CDKAL1: variants seen among roughly 807,000 people sequenced by gnomAD.
The protein encoded by CDKAL1 is CDKAL1 threonylcarbamoyladenosine tRNA methylthiotransferase, also known as threonylcarbamoyladenosine tRNA methylthiotransferase.
In CDKAL1, 32 loss-of-function variants were observed where a neutral mutation model predicts 68.2. The ratio of observed to expected loss-of-function variants is 0.47; its 90% CI spans 0.35 to 0.63. CDKAL1 has a LOEUF of 0.63. Ranked by LOEUF, CDKAL1 falls within the 30% of genes least tolerant of loss-of-function variation. The pLI, the probability that CDKAL1 is intolerant of heterozygous loss-of-function variation, is 0.00. For missense variants in CDKAL1, 606 were observed against 696.7 expected, an observed-to-expected ratio of 0.87 and a Z score of 1.47; for synonymous variants, 234 against 244.3, an observed-to-expected ratio of 0.96 and a Z score of 0.39.
intron 4 of CDKAL1, among the ~76,000 whole-genome samples, chr6:20,560,059 A>G (rs1764208020): frequency 6.6e-6 from 1 of 152,176 alleles, no homozygotes; most frequent in African/African-American, 2.4e-5. Context: ...CCTTCAATTT[A>G]AAATTGTCAT....
chr6:20,671,873 G>A (rs1200824166), intron 5 of CDKAL1, among the ~76,000 whole-genome samples: 1 of 151,862 alleles, frequency 6.6e-6, no homozygotes, highest in Non-Finnish European at 1.5e-5. Context: ...CTAGTAGCTG[G>A]GACTCTAGGC....
intron 8 of CDKAL1, among the ~76,000 whole-genome samples, chr6:20,792,148 A>C (rs1424221169): frequency 6.6e-6 from 1 of 152,222 alleles, no homozygotes; most frequent in Non-Finnish European, 1.5e-5. Flanking sequence ...GCATCTCAGC[A>C]TGGTAGCACC....
intron 9 of CDKAL1, among the ~76,000 whole-genome samples, chr6:20,951,748 A>G (rs1403818396): frequency 6.6e-6 from 1 of 152,200 alleles, no homozygotes; most frequent in East Asian, 1.9e-4. Context: ...ATTTTTGGGA[A>G]AACGAAAACA....
intron 9 of CDKAL1, among the ~76,000 whole-genome samples, chr6:20,855,016 G>C (rs1423935773): frequency 6.6e-6 from 1 of 152,210 alleles, no homozygotes; most frequent in African/African-American, 2.4e-5. Context: ...AGTAATACCA[G>C]CTTGGCATTA....
chr6:20,769,933 G>A (rs1774867661), intron 7 of CDKAL1, among the ~76,000 whole-genome samples: 1 of 152,138 alleles, frequency 6.6e-6, no homozygotes, highest in Non-Finnish European at 1.5e-5. Flanking sequence ...ATATTGAACA[G>A]ACGGAAATGA....
At chr6:20,538,792 A>G (rs1763275523) in intron 2 of CDKAL1, among the ~76,000 whole-genome samples, 1 of 152,258 alleles carries the variant, frequency 6.6e-6, no homozygotes, top group Non-Finnish European at 1.5e-5. Context: ...CTTCCCACCC[A>G]GTGTAGAATT....
At chr6:21,066,637 T>A (rs1387972426) in intron 12 of CDKAL1, among the ~76,000 whole-genome samples, 2 of 152,216 alleles carry the variant, frequency 1.3e-5, no homozygotes, top group Non-Finnish European at 2.9e-5. Context: ...TTTGTTTTGC[T>A]TTCAGACAGG....
At chr6:21,139,861 A>T (rs1775812342) in intron 13 of CDKAL1, among the ~76,000 whole-genome samples, 1 of 152,254 alleles carries the variant, frequency 6.6e-6, no homozygotes, top group South Asian at 2.1e-4. Flanking sequence ...AAAGCAAATG[A>T]AAATCTCATT....
At chr6:21,053,433 A>G (rs1284217038) in intron 11 of CDKAL1, among the ~76,000 whole-genome samples, 1 of 152,194 alleles carries the variant, frequency 6.6e-6, no homozygotes, top group Non-Finnish European at 1.5e-5. Flanking sequence ...GTGAAAATCC[A>G]AGTACAGGTC....
At chr6:20,934,775 G>T (rs1261980502) in intron 9 of CDKAL1, among the ~76,000 whole-genome samples, 1 of 152,044 alleles carries the variant, frequency 6.6e-6, no homozygotes, top group African/African-American at 2.4e-5. Flanking sequence ...GAGCCTGGGA[G>T]GTCAAAGCTC....
chr6:20,578,745 G>A (rs1259263131), intron 4 of CDKAL1, among the ~76,000 whole-genome samples: 1 of 152,132 alleles, frequency 6.6e-6, no homozygotes, highest in East Asian at 1.9e-4. Flanking sequence ...AGACATGTTC[G>A]GTGAAAGCAT....
chr6:20,575,441 CAA>C (rs57442477), intron 4 of CDKAL1, among the ~76,000 whole-genome samples: 9,453 of 94,616 alleles, frequency 0.1, 126 homozygotes, highest in Middle Eastern at 0.15. Context: ...AGGGGCACCA[CAA>C]AAAAAAAAAA....
intron 2 of CDKAL1, among the ~76,000 whole-genome samples, chr6:20,542,014 T>A (rs573187733): frequency 6.6e-6 from 1 of 152,350 alleles, no homozygotes; most frequent in South Asian, 2.1e-4. Flanking sequence ...ATCCAGCCAA[T>A]CCTTGATGGA....
intron 4 of CDKAL1, among the ~76,000 whole-genome samples, chr6:20,641,819 T>G (rs1052778892): frequency 3.1e-5 from 4 of 128,458 alleles, no homozygotes; most frequent in Non-Finnish European, 7.2e-5. Flanking sequence ...TTTATATATG[T>G]TTGTGTGTGT....
intron 8 of CDKAL1, among the ~76,000 whole-genome samples, chr6:20,786,320 A>G (rs550110300): frequency 6.6e-6 from 1 of 152,314 alleles, no homozygotes; most frequent in Admixed American, 6.5e-5. Flanking sequence ...TTGGATGGGC[A>G]CAGCAGGATA....
intron 11 of CDKAL1, among the ~76,000 whole-genome samples, chr6:21,014,770 G>A (rs927209262): frequency 6.6e-6 from 1 of 152,070 alleles, no homozygotes; most frequent in African/African-American, 2.4e-5. Flanking sequence ...TTCTCATATG[G>A]TGACAAAGTT....
At chr6:21,226,284 G>GTT (rs57712859) in intron 15 of CDKAL1, among the ~76,000 whole-genome samples, 7 of 138,712 alleles carry the variant, frequency 5.0e-5, no homozygotes, top group Non-Finnish European at 4.7e-5. Context: ...GAACATGAAA[G>GTT]TTTTTTTTTT....
chr6:20,781,278 C>G lies in CDKAL1; in HGVS notation c.638+13C>G. On this transcript the variant is annotated intron_variant, in intron 8 of 15. Coordinates refer to ENST00000274695, the MANE Select transcript of CDKAL1 (RefSeq NM_017774.3). ...CCATCAATACCGGGTAAGCATCTCT[C>G]AAACTTGCTCATAAAATATTCAATA... The G allele has an allele frequency of 1.9e-6, 3 of 1,595,442 alleles. No homozygotes were observed. The South Asian group carries it at 3.4e-5, about 18-fold the overall frequency.
chr6:20,576,213 A>G (rs1764902156), intron 4 of CDKAL1, among the ~76,000 whole-genome samples: 1 of 152,234 alleles, frequency 6.6e-6, no homozygotes, highest in South Asian at 2.1e-4. Flanking sequence ...AACATGTTAC[A>G]CAGTTACTCC....
Sources: gnomAD v4.1 joint callset for allele counts (sites outside exome capture counted in the v4.1 genomes callset) on GRCh38, gnomAD v4.1.1 for gene constraint, MANE v1.5 for transcripts, NCBI Gene and HGNC (gene_info 2026-07-23, HGNC 2026-07-21) for gene names.